The following GANC variants were observed in gnomAD, a reference collection of about 807,000 sequenced individuals.
GANC encodes neutral alpha-glucosidase C.
Under a neutral mutation model 124.2 loss-of-function variants are expected in GANC, and 117 were observed. The observed-to-expected ratio is 0.94, with a 90% CI of 0.81 to 1.10. The LOEUF (loss-of-function observed/expected upper bound fraction) is 1.10, where lower values mean the gene tolerates loss of function less well. Among genes scored for constraint, GANC ranks in the 50% least tolerant of loss-of-function variants. GANC has a pLI of 0.00. For missense variants in GANC, 1,140 were observed against 1,095.0 expected, an observed-to-expected ratio of 1.04 and a Z score of -0.58; for synonymous variants, 377 against 376.8, an observed-to-expected ratio of 1.00 and a Z score of -0.01.
intron 12 of GANC, 32 bp from the exon 13 acceptor site, chr15:42,327,331 T>C: frequency 1.9e-6 from 3 of 1,542,838 alleles, no homozygotes; most frequent in Non-Finnish European, 1.8e-6. Flanking sequence ...ACCACTGTTC[T>C]TGACAGGCTA....
chr15:42,301,315 TG>T (rs1319633090), intron 6 of GANC, among the ~76,000 whole-genome samples: 1 of 152,164 alleles, frequency 6.6e-6, no homozygotes, highest in Non-Finnish European at 1.5e-5. Flanking sequence ...CTGTGAGGAA[TG>T]GTGCATTCTG....
At chr15:42,343,575 C>G (rs1156268336) in intron 19 of GANC, among the ~76,000 whole-genome samples, 1 of 152,190 alleles carries the variant, frequency 6.6e-6, no homozygotes, top group African/African-American at 2.4e-5. Context: ...TCAATACACT[C>G]ACTGAAGTGG....
intron 6 of GANC, among the ~76,000 whole-genome samples, chr15:42,304,014 A>T (rs1451491146): frequency 6.6e-6 from 1 of 152,226 alleles, no homozygotes; most frequent in Non-Finnish European, 1.5e-5. Flanking sequence ...CCTAATAAAC[A>T]TCTGCAGAAC....
intron 10 of GANC, among the ~76,000 whole-genome samples, chr15:42,311,709 C>T (rs2141046329): frequency 6.6e-6 from 1 of 152,256 alleles, no homozygotes; most frequent in East Asian, 1.9e-4. Context: ...TGTGAGAAAT[C>T]ACTATCACAA....
chr15:42,301,351 G>C (rs1405126553), intron 6 of GANC, among the ~76,000 whole-genome samples: 1 of 152,198 alleles, frequency 6.6e-6, no homozygotes, highest in East Asian at 1.9e-4. Flanking sequence ...CTTCTCCCAT[G>C]GTCTTGGTAA....
chr15:42,279,603 C>T (rs1566948325), intron 3 of GANC, among the ~76,000 whole-genome samples: 3 of 152,116 alleles, frequency 2.0e-5, no homozygotes, highest in African/African-American at 7.2e-5. Context: ...GGAAGTGTGA[C>T]TGTGCACTAC....
chr15:42,312,188 C>T (rs980040259), intron 10 of GANC, among the ~76,000 whole-genome samples: 1 of 152,176 alleles, frequency 6.6e-6, no homozygotes, highest in Non-Finnish European at 1.5e-5. Flanking sequence ...CATAGAATTG[C>T]ACAGGGACCT....
At chr15:42,330,750 GTGCTGA>G in intron 15 of GANC, 78 bp downstream of exon 15, 2 of 745,426 alleles carry the variant, frequency 2.7e-6, no homozygotes, top group Non-Finnish European at 4.3e-6. Flanking sequence ...TGATGTTACT[GTGCTGA>G]TGCCTTCCTT....
chr15:42,287,633 CA>C, intron 3 of GANC, 57 bp from the exon 4 acceptor site: 1 of 1,557,280 alleles, frequency 6.4e-7, no homozygotes, highest in Non-Finnish European at 8.7e-7. Context: ...GTAATTGGTG[CA>C]AAATTGGCCA....
chr15:42,306,468 C>A, intron 6 of GANC, 78 bp from the exon 7 acceptor site: 1 of 1,125,914 alleles, frequency 8.9e-7, no homozygotes, highest in South Asian at 1.4e-5. Flanking sequence ...AAAAATAATC[C>A]AAATAAAATG....
At chr15:42,349,977 A>G (rs1251805385) in intron 22 of GANC, among the ~76,000 whole-genome samples, 2 of 133,296 alleles carry the variant, frequency 1.5e-5, no homozygotes, top group Non-Finnish European at 3.2e-5. Flanking sequence ...CAACCTTTCT[A>G]CCATAAACAA....
chr15:42,273,255 C>T lies in GANC; in HGVS notation c.-1227C>T. The T allele has an allele frequency of 6.2e-7, 1 of 1,614,060 alleles. No homozygotes were observed. ...AGACGTTAGTGAAGTGAATACTCACCGACGGTATCGGAATGTGCCATTTGG... is the reference window on the plus strand; with the variant it reads ...AGACGTTAGTGAAGTGAATACTCACTGACGGTATCGGAATGTGCCATTTGG... On this transcript the variant is annotated 5_prime_UTR_variant, in exon 1 of 24. Coordinates refer to ENST00000318010, the MANE Select transcript of GANC (RefSeq NM_198141.3).
At chr15:42,302,809 AAAATC>A (rs1367074255) in intron 6 of GANC, among the ~76,000 whole-genome samples, 5 of 152,162 alleles carry the variant, frequency 3.3e-5, no homozygotes, top group Admixed American at 3.3e-4. Flanking sequence ...TAGAGAAAAA[AAAATC>A]AAAAGGAATG....
chr15:42,327,793 C>T (rs1650465265), intron 13 of GANC, among the ~76,000 whole-genome samples: 1 of 152,102 alleles, frequency 6.6e-6, no homozygotes, highest in Non-Finnish European at 1.5e-5. Flanking sequence ...GTGAAAATAT[C>T]TTACAACGTA....
intron 6 of GANC, among the ~76,000 whole-genome samples, chr15:42,299,017 A>G (rs748933080): frequency 6.6e-6 from 1 of 152,200 alleles, no homozygotes. Flanking sequence ...AACAGAGACA[A>G]TTTGACTTCC....
intron 21 of GANC, among the ~76,000 whole-genome samples, chr15:42,349,124 T>C (rs1421284086): frequency 2.6e-5 from 4 of 152,262 alleles, no homozygotes; most frequent in Admixed American, 1.3e-4. Context: ...AATCCACTTA[T>C]ACCACTGAAC....
chr15:42,326,522 G>T, intron 12 of GANC, 98 bp downstream of exon 12: 1 of 1,549,938 alleles, frequency 6.5e-7, no homozygotes, highest in Non-Finnish European at 8.7e-7. Flanking sequence ...GATGTCTCTT[G>T]CTCCTCTAGC....
In GANC at chr15:42,321,778, C is replaced by T; in HGVS notation, c.1058-7C>T. The T allele has an allele frequency of 4.3e-6, 7 of 1,613,416 alleles. No individual in the cohort carries two copies. Among genetic ancestry groups the T allele is most frequent in the Non-Finnish European group, 5.9e-6 (7 of 1,179,334 alleles). ...CAGTTGACTCAGTTGTCATCTCCCT[C>T]TTTTAGGCACACAAGCCATGCCCCC... On this transcript the variant is annotated splice_polypyrimidine_tract_variant and splice_region_variant and intron_variant, in intron 10 of 23. Transcript: ENST00000318010.
rs12594063 is a variant in GANC, at chr15:42,287,593, A to G, written c.202-98A>G. On this transcript the variant is annotated intron_variant, in intron 3 of 23. Coordinates refer to ENST00000318010, the MANE Select transcript of GANC (RefSeq NM_198141.3). ...TGTTCTCCAATTTGCTTGGCCTATC[A>G]TAATTGAAACAAATACTTTCCTAAT... 1,020 of 1,338,608 alleles carry G rather than the reference A, an allele frequency of 7.6e-4. 15 individuals are homozygous for G. The East Asian group carries it at 0.015, about 20-fold the overall frequency. 82.9% of individuals were successfully genotyped at this position (1,338,608 alleles called of 1,614,324 possible). A position where few individuals can be genotyped will look rare whatever the true frequency, so the allele number is the denominator to read the frequency against.
Sources: gnomAD v4.1 joint callset for allele counts (sites outside exome capture counted in the v4.1 genomes callset) on GRCh38, gnomAD v4.1.1 for gene constraint, MANE v1.5 for transcripts, NCBI Gene and HGNC (gene_info 2026-07-23, HGNC 2026-07-21) for gene names.